ADCY2: variants seen among roughly 807,000 people sequenced by gnomAD.
The protein encoded by ADCY2 is adenylate cyclase type 2.
A neutral mutation model predicts 125.2 loss-of-function variants in ADCY2; 31 were observed. That is an observed-to-expected ratio of 0.25 (90% CI 0.19 to 0.33). The LOEUF (loss-of-function observed/expected upper bound fraction) is 0.33. Ranked by LOEUF, ADCY2 falls within the 10% of genes least tolerant of loss-of-function variation. The pLI is 1.00. For synonymous variants in ADCY2, 512 were observed against 548.4 expected, an observed-to-expected ratio of 0.93 and a Z score of 0.93; for missense variants, 904 against 1,418.2, an observed-to-expected ratio of 0.64 and a Z score of 5.82.
chr5:7,622,041 T>C (rs368903531), intron 3 of ADCY2, among the ~76,000 whole-genome samples: 11 of 152,316 alleles, frequency 7.2e-5, no homozygotes, highest in African/African-American at 2.6e-4. Flanking sequence ...TTCTGACAGA[T>C]GTGAAAGTAG....
At chr5:7,632,834 C>A (rs149280190) in intron 4 of ADCY2, among the ~76,000 whole-genome samples, 5 of 152,106 alleles carry the variant, frequency 3.3e-5, no homozygotes, top group Admixed American at 6.6e-5. Context: ...AAAATTAACT[C>A]CAGAAAATTG....
intron 1 of ADCY2, among the ~76,000 whole-genome samples, chr5:7,412,037 A>C (rs915686561): frequency 6.6e-6 from 1 of 151,786 alleles, no homozygotes; most frequent in African/African-American, 2.4e-5. Context: ...ATCCCGCCAC[A>C]GCACTCCAGC....
chr5:7,763,313 G>C (rs944526851), intron 16 of ADCY2, among the ~76,000 whole-genome samples: 7 of 151,562 alleles, frequency 4.6e-5, no homozygotes, highest in African/African-American at 1.7e-4. Flanking sequence ...AGATGGTCTC[G>C]ATCTCCTGAC....
rs557404521 is a variant in ADCY2 at position 7,426,104 on chromosome 5, A to G, written c.408+11334A>G. Among the ~76,000 whole-genome samples the G allele has an allele frequency of 7.9e-5, 12 of 152,306 alleles. No homozygotes were observed. The South Asian group carries it at 2.5e-3, about 32-fold the overall frequency. Reference sequence around the variant, plus strand: ...GAGGTGGAGAGGCCCCATCCTGCATAAGGAAAGTCCATTTCATTATTTTAA... The same window carrying G: ...GAGGTGGAGAGGCCCCATCCTGCATGAGGAAAGTCCATTTCATTATTTTAA... On this transcript the variant is annotated intron_variant, in intron 2 of 24. Coordinates refer to ENST00000338316, the MANE Select transcript of ADCY2 (RefSeq NM_020546.3).
intron 2 of ADCY2, among the ~76,000 whole-genome samples, chr5:7,443,441 A>C (rs968880514): frequency 2.6e-5 from 4 of 151,822 alleles, no homozygotes; most frequent in Non-Finnish European, 5.9e-5. Flanking sequence ...TCACGAGGTC[A>C]GGAGATCAAG....
rs1744408357 is a variant in ADCY2, at chr5:7,520,647, G to A, written c.409-91G>A. 9.1e-6 allele frequency: 13 copies of A among 1,429,598 alleles called. No individual in the cohort carries two copies. The South Asian group carries it at 1.6e-4, about 18-fold the overall frequency. 88.6% of individuals were successfully genotyped at this position (1,429,598 alleles called of 1,614,324 possible). A position where few individuals can be genotyped will look rare whatever the true frequency, so the allele number is the denominator to read the frequency against. ...TTCTAAAATGAGCATGTCTCATGCT[G>A]TTCTATGCAGCCTTTAGTGGCATGG... On this transcript the variant is annotated intron_variant, in intron 2 of 24. Transcript: ENST00000338316.
At chr5:7,613,160 T>A (rs4990317) in intron 3 of ADCY2, among the ~76,000 whole-genome samples, 65,413 of 124,104 alleles carry the variant, frequency 0.53, 15,088 homozygotes, top group Non-Finnish European at 0.58. Context: ...AGTATAATAA[T>A]AAAAAAAAAA....
At chr5:7,544,897 T>A (rs1320333034) in intron 3 of ADCY2, among the ~76,000 whole-genome samples, 1 of 152,010 alleles carries the variant, frequency 6.6e-6, no homozygotes, top group African/African-American at 2.4e-5. Flanking sequence ...CTGACTCCCA[T>A]GGAGAAAGCA....
intron 11 of ADCY2, 88 bp from the exon 12 acceptor site, chr5:7,717,069 T>C (rs1741613779): frequency 1.3e-6 from 1 of 775,894 alleles, no homozygotes; most frequent in African/African-American, 1.8e-5. Context: ...CTCATAAGGA[T>C]GTAAAATATT....
intron 4 of ADCY2, among the ~76,000 whole-genome samples, chr5:7,687,000 A>C (rs1740541011): frequency 1.3e-5 from 2 of 152,122 alleles, no homozygotes; most frequent in Admixed American, 6.5e-5. Context: ...GCTATCTACC[A>C]TCCACCAGTG....
intron 4 of ADCY2, among the ~76,000 whole-genome samples, chr5:7,643,824 A>C (rs930144289): frequency 2.6e-5 from 4 of 151,444 alleles, no homozygotes; most frequent in Non-Finnish European, 4.4e-5. Flanking sequence ...TTTTTTTTTA[A>C]TCTCAACTAG....
chr5:7,659,819 G>A (rs185982879), intron 4 of ADCY2, among the ~76,000 whole-genome samples: 19 of 152,340 alleles, frequency 1.2e-4, no homozygotes, highest in African/African-American at 4.6e-4. Context: ...GGTGCTCGGC[G>A]AGAGCCTCCA....
chr5:7,533,012 T>C (rs1269837575), intron 3 of ADCY2, among the ~76,000 whole-genome samples: 1 of 150,194 alleles, frequency 6.7e-6, no homozygotes, highest in Admixed American at 6.7e-5. Flanking sequence ...ATTTGATATG[T>C]ATACATATAT....
At chr5:7,790,919 T>C (rs1744231772) in intron 20 of ADCY2, among the ~76,000 whole-genome samples, 1 of 152,162 alleles carries the variant, frequency 6.6e-6, no homozygotes. Context: ...AAAAGCCCAT[T>C]ATGCCTTCCT....
At chr5:7,654,775 G>C (rs1021338669) in intron 4 of ADCY2, among the ~76,000 whole-genome samples, 2 of 152,146 alleles carry the variant, frequency 1.3e-5, no homozygotes, top group African/African-American at 4.8e-5. Flanking sequence ...CTGAAAATGC[G>C]AATGCCCAGA....
chr5:7,727,227 T>C lies in ADCY2; in HGVS notation c.1837T>C (p.Cys613Arg), dbSNP rs1339423203. The change falls in exon 14 of 25, where the codon TGC becomes CGC. Residue 613 changes from cysteine to arginine, a missense_variant. Transcript: ENST00000338316. ...YVTCACLIFF[C>R]IFIVQILVLP... ...GACTTGTGCCTGTCTCATATTCTTC[T>C]GCATCTTCATTGTGCAGATTCTCGT... 1 of 1,614,216 alleles carries C rather than the reference T, an allele frequency of 6.2e-7. No homozygotes were observed.
In ADCY2 at chr5:7,743,695, G is replaced by C. The variant is rs1033616356; in HGVS notation, c.1899G>C (p.Gly633=). ...CGTCCGTCCTGGGCATCTCCTTTGGGGCTGCGTTTCTCTTGCTGGCCTTCA... is the reference window on the plus strand; with the variant it reads ...CGTCCGTCCTGGGCATCTCCTTTGGCGCTGCGTTTCTCTTGCTGGCCTTCA... ...PKTSVLGISF[G]AAFLLLAFIL... Residue 633 remains glycine, a synonymous_variant, in exon 15 of 25, where the codon GGG becomes GGC. Transcript: ENST00000338316. The C allele has an allele frequency of 1.9e-6, 3 of 1,613,944 alleles. No individual in the cohort carries two copies. In the African/African-American group the frequency reaches 4.0e-5, roughly 22 times the overall value.
At chr5:7,450,227 CAGTT>C (rs1394777627) in intron 2 of ADCY2, among the ~76,000 whole-genome samples, 7 of 152,300 alleles carry the variant, frequency 4.6e-5, no homozygotes, top group African/African-American at 9.6e-5. Context: ...CTGCAGTAAA[CAGTT>C]AGCCCAGTTG....
intron 2 of ADCY2, among the ~76,000 whole-genome samples, chr5:7,459,718 A>G (rs887427567): frequency 6.6e-6 from 1 of 151,144 alleles, no homozygotes; most frequent in Non-Finnish European, 1.5e-5. Flanking sequence ...TAACATTAGC[A>G]ACATATAACC....
Sources: allele counts gnomAD v4.1 joint callset (sites outside exome capture counted in the v4.1 genomes callset), GRCh38; gene constraint gnomAD v4.1.1; transcripts MANE v1.5; gene names NCBI Gene and HGNC (gene_info 2026-07-23, HGNC 2026-07-21).